Variants in SYT1 observed in about 807,000 individuals in gnomAD.
SYT1 encodes synaptotagmin-1.
A neutral mutation model predicts 44.8 loss-of-function variants in SYT1; 8 were observed. The ratio of observed to expected loss-of-function variants is 0.18; its 90% confidence interval spans 0.10 to 0.32. SYT1 has a LOEUF of 0.32. SYT1 is among the 10% of genes least tolerant of loss of function. The pLI is 1.00. For synonymous variants in SYT1, 154 were observed against 188.8 expected (o/e 0.82, Z 1.51); for missense variants, 286 against 509.3 (o/e 0.56, Z 4.22).
chr12:78,921,437 T>C (rs898224388), intron 1 of SYT1, among the ~76,000 whole-genome samples: 2 of 152,012 alleles, frequency 1.3e-5, no homozygotes, highest in Non-Finnish European at 2.9e-5. Flanking sequence ...AAACAAAATA[T>C]TTAAGGAGAG....
At chr12:78,957,143 G>A (rs78886326) in intron 1 of SYT1, among the ~76,000 whole-genome samples, 1,761 of 152,162 alleles carry the variant, frequency 0.012, 45 homozygotes, top group African/African-American at 0.04. Context: ...TCAATTTACC[G>A]GAAAATATAC....
chr12:79,316,075 T>G (rs982079804), intron 8 of SYT1, among the ~76,000 whole-genome samples: 2 of 152,180 alleles, frequency 1.3e-5, no homozygotes, highest in African/African-American at 2.4e-5. Context: ...AAGTGTACAG[T>G]TCAATGAGTC....
chr12:79,024,597 G>T (rs931168948), intron 2 of SYT1, among the ~76,000 whole-genome samples: 3 of 151,722 alleles, frequency 2.0e-5, no homozygotes, highest in Non-Finnish European at 4.4e-5. Context: ...AGATAAGAAT[G>T]ATGTACCAGA....
At chr12:79,031,084 T>A (rs2094961565) in intron 2 of SYT1, among the ~76,000 whole-genome samples, 2 of 151,032 alleles carry the variant, frequency 1.3e-5, no homozygotes, top group South Asian at 4.1e-4. Context: ...CACATAATTT[T>A]AAAAAATGAT....
intron 4 of SYT1, among the ~76,000 whole-genome samples, chr12:79,274,157 C>T (rs1425356682): frequency 2.0e-5 from 3 of 152,184 alleles, no homozygotes; most frequent in Admixed American, 1.3e-4. Context: ...GGATGAACCC[C>T]GAAGGCCAGA....
Position 79,165,435 on chromosome 12 carries a change from G to A in SYT1, c.-17-52068G>A, listed in dbSNP as rs1296855548. On this transcript the variant is annotated intron_variant, in intron 3 of 10. Transcript: ENST00000261205. The stretch of plus-strand genomic sequence containing the variant: ...GTTGCAAAGGTTTTGTTCACTAAAT[G>A]TATTCCAAAATTATAATGTTCTTTA... Among the ~76,000 whole-genome samples, 3 of 152,014 alleles carry A rather than the reference G, an allele frequency of 2.0e-5. No homozygotes were observed. In the East Asian group the frequency reaches 5.8e-4, roughly 30 times the overall value.
intron 1 of SYT1, among the ~76,000 whole-genome samples, chr12:78,961,285 A>G (rs1879486805): frequency 6.6e-6 from 1 of 151,748 alleles, no homozygotes; most frequent in African/African-American, 2.4e-5. Context: ...TTGAATTTGT[A>G]TTTTGTGGCG....
chr12:78,897,336 A>G (rs1375807411), intron 1 of SYT1, among the ~76,000 whole-genome samples: 2 of 152,016 alleles, frequency 1.3e-5, no homozygotes, highest in African/African-American at 4.8e-5. Flanking sequence ...AGATACAGAC[A>G]TGGGAATATT....
intron 2 of SYT1, among the ~76,000 whole-genome samples, chr12:78,981,816 T>C (rs758157775): frequency 3.3e-5 from 5 of 152,168 alleles, no homozygotes; most frequent in Non-Finnish European, 7.3e-5. Context: ...GCCCAGACAT[T>C]AGGACACAAA....
intron 1 of SYT1, among the ~76,000 whole-genome samples, chr12:78,950,215 T>C (rs1479632643): frequency 2.0e-5 from 3 of 152,100 alleles, no homozygotes; most frequent in South Asian, 2.1e-4. Context: ...CATTCAGTCA[T>C]GAGGCATAAG....
rs1021200935 is a variant in SYT1, at chr12:79,224,711, G to T, written c.166+7026G>T. On this transcript the variant is annotated intron_variant, in intron 4 of 10. Coordinates refer to ENST00000261205, the MANE Select transcript of SYT1 (RefSeq NM_005639.3). The stretch of plus-strand genomic sequence containing the variant: ...GCAGAGGTGTCCCATGATCTGACGG[G>T]TGGTTTTTTTGTTTTGTTTCATTTT... Among the ~76,000 whole-genome samples, 19 of 146,412 alleles carry T rather than the reference G, an allele frequency of 1.3e-4. No homozygotes were observed. The East Asian group carries it at 2.6e-3, about 20-fold the overall frequency.
intron 2 of SYT1, among the ~76,000 whole-genome samples, chr12:78,993,325 A>G (rs1870147420): frequency 6.6e-6 from 1 of 152,222 alleles, no homozygotes; most frequent in Admixed American, 6.5e-5. Flanking sequence ...TAATGTTCAA[A>G]TTCTTGCATT....
intron 2 of SYT1, among the ~76,000 whole-genome samples, chr12:79,035,755 C>G (rs1446436316): frequency 6.6e-6 from 1 of 151,494 alleles, no homozygotes; most frequent in East Asian, 1.9e-4. Flanking sequence ...GAAAATGACC[C>G]CTGCTCACCC....
intron 4 of SYT1, among the ~76,000 whole-genome samples, chr12:79,278,549 T>A (rs986204823): frequency 1.3e-5 from 2 of 152,000 alleles, no homozygotes; most frequent in African/African-American, 4.8e-5. Flanking sequence ...GCTTAATGCC[T>A]ACACAAAAAA....
chr12:79,224,740 TTTATTTATTTTTTATTATTATTATTA>T (rs1875390319), intron 4 of SYT1, among the ~76,000 whole-genome samples: 1 of 56,476 alleles, frequency 1.8e-5, no homozygotes, highest in Admixed American at 2.0e-4. Flanking sequence ...TCATTTTTTA[TTTATTTATTTTTTATTATTATTATTA>T]TTATTATTAT....
At chr12:79,207,812 G>A (rs1874215939) in intron 3 of SYT1, among the ~76,000 whole-genome samples, 1 of 151,998 alleles carries the variant, frequency 6.6e-6, no homozygotes, top group East Asian at 1.9e-4. Context: ...TAAGAACGAC[G>A]GCTCCTAAGC....
intron 3 of SYT1, among the ~76,000 whole-genome samples, chr12:79,071,868 C>A (rs2137903338): frequency 6.6e-6 from 1 of 152,244 alleles, no homozygotes; most frequent in Middle Eastern, 3.4e-3. Flanking sequence ...GACCCTATTT[C>A]CACATAAAGT....
At chr12:79,035,061 T>TGTCA (rs1873043222) in intron 2 of SYT1, among the ~76,000 whole-genome samples, 1 of 151,594 alleles carries the variant, frequency 6.6e-6, no homozygotes, top group South Asian at 2.1e-4. Flanking sequence ...TTCCCACCAT[T>TGTCA]GTCATCACAG....
At chr12:79,031,364 G>C (rs893357473) in intron 2 of SYT1, among the ~76,000 whole-genome samples, 6 of 150,982 alleles carry the variant, frequency 4.0e-5, no homozygotes, top group Non-Finnish European at 5.9e-5. Context: ...AGTAGATTGT[G>C]CCTAATGTAT....
Sources: allele counts gnomAD v4.1 joint callset (sites outside exome capture counted in the v4.1 genomes callset), GRCh38; gene constraint gnomAD v4.1.1; transcripts MANE v1.5; gene names NCBI Gene and HGNC (gene_info 2026-07-23, HGNC 2026-07-21).